ANGPTL5: variants seen among roughly 807,000 people sequenced by gnomAD.
ANGPTL5 encodes angiopoietin like 5.
ANGPTL5 carries 34 observed loss-of-function variants against 39.4 expected under a neutral mutation model. The observed-to-expected ratio is 0.86, with a 90% CI of 0.66 to 1.15. The LOEUF (loss-of-function observed/expected upper bound fraction) is 1.15. Ranked by LOEUF, ANGPTL5 falls within the 50% of genes most tolerant of loss-of-function variation. The probability of loss-of-function intolerance (pLI) is 0.00; values close to 1 mark genes in which losing one functional copy is unlikely to be tolerated. For missense variants in ANGPTL5, 467 were observed against 457.5 expected (o/e 1.02, Z -0.19); for synonymous variants, 146 against 152.1 (o/e 0.96, Z 0.29).
intron 7 of ANGPTL5, among the ~76,000 whole-genome samples, chr11:101,896,782 T>C (rs997818370): frequency 6.6e-6 from 1 of 152,258 alleles, no homozygotes; most frequent in Non-Finnish European, 1.5e-5. Context: ...TGGTGCCAAG[T>C]CTTTGCTGTT....
chr11:101,911,877 T>A (rs1199062913), intron 1 of ANGPTL5, among the ~76,000 whole-genome samples: 1 of 152,218 alleles, frequency 6.6e-6, no homozygotes, highest in Admixed American at 6.5e-5. Context: ...GTCCTCACAG[T>A]CTTCTGTACT....
intron 6 of ANGPTL5, among the ~76,000 whole-genome samples, chr11:101,901,862 C>CTAA (rs528398400): frequency 2.0e-4 from 30 of 151,866 alleles, no homozygotes; most frequent in African/African-American, 6.8e-4. Flanking sequence ...CCAATAAAGA[C>CTAA]TATCAATAAG....
chr11:101,901,021 T>C (rs1165734900), intron 6 of ANGPTL5, among the ~76,000 whole-genome samples: 1 of 147,920 alleles, frequency 6.8e-6, no homozygotes. Flanking sequence ...CCGGCTTTTT[T>C]TTTTTTTTTT....
chr11:101,893,270 T>C (rs927350341), intron 8 of ANGPTL5, among the ~76,000 whole-genome samples: 1 of 152,232 alleles, frequency 6.6e-6, no homozygotes, highest in Non-Finnish European at 1.5e-5. Context: ...GACATTTATC[T>C]CAAGTCTTAT....
At chr11:101,903,344 G>T (rs1364820999) in intron 5 of ANGPTL5, among the ~76,000 whole-genome samples, 1 of 152,094 alleles carries the variant, frequency 6.6e-6, no homozygotes, top group Non-Finnish European at 1.5e-5. Context: ...CCCCAGGATT[G>T]TAAACACGTG....
chr11:101,908,625 C>CA (rs768306134), intron 1 of ANGPTL5, among the ~76,000 whole-genome samples: 3 of 151,606 alleles, frequency 2.0e-5, no homozygotes, highest in Non-Finnish European at 4.4e-5. Flanking sequence ...CTAAAAAATA[C>CA]AAAAATTAGC....
intron 7 of ANGPTL5, 36 bp downstream of exon 7, chr11:101,900,394 G>A: frequency 1.3e-6 from 2 of 1,597,670 alleles, no homozygotes; most frequent in East Asian, 2.2e-5. Flanking sequence ...ATCAAAAAGA[G>A]TAAACAATGT....
chr11:101,908,899 T>C (rs1450715883), intron 1 of ANGPTL5, among the ~76,000 whole-genome samples: 3 of 151,924 alleles, frequency 2.0e-5, no homozygotes, highest in Non-Finnish European at 4.4e-5. Context: ...AGAGAAATAA[T>C]ATTATTGAAA....
At chr11:101,908,788 A>C (rs1439134216) in intron 1 of ANGPTL5, among the ~76,000 whole-genome samples, 1 of 151,916 alleles carries the variant, frequency 6.6e-6, no homozygotes, top group African/African-American at 2.4e-5. Flanking sequence ...CTCAAAAAAA[A>C]AAAAAAAAAA....
intron 4 of ANGPTL5, among the ~76,000 whole-genome samples, chr11:101,905,210 A>C (rs1346267223): frequency 6.6e-6 from 1 of 152,146 alleles, no homozygotes; most frequent in Non-Finnish European, 1.5e-5. Context: ...CTCTTCCTCA[A>C]GTCATTGGCC....
At chr11:101,915,333 A>G in intron 1 of ANGPTL5, 1 of 1,613,982 alleles carries the variant, frequency 6.2e-7, no homozygotes, top group Non-Finnish European at 8.5e-7. Flanking sequence ...GGAACTGGGC[A>G]CTGAATCATC....
At chr11:101,896,470 C>G (rs1312114820) in intron 7 of ANGPTL5, among the ~76,000 whole-genome samples, 5 of 152,058 alleles carry the variant, frequency 3.3e-5, no homozygotes, top group African/African-American at 9.7e-5. Flanking sequence ...AACTCGTTAT[C>G]TACATTAGGT....
In ANGPTL5 at chr11:101,891,050, A is replaced by G; in HGVS notation, c.*229T>C. ...ACAAGTTGTAGTTCACTTGAAACAA[A>G]TTTCATTGTATATTGTTAATATAGT... On this transcript the variant is annotated 3_prime_UTR_variant, in exon 9 of 9. Transcript: ENST00000334289. 1 of 346,618 alleles carries G rather than the reference A, an allele frequency of 2.9e-6. No individual in the cohort carries two copies. The highest frequency in any genetic ancestry group is 5.2e-6 in the Non-Finnish European group (1 of 193,806). 21.5% of individuals were successfully genotyped at this position (346,618 alleles called of 1,614,324 possible). A position where few individuals can be genotyped will look rare whatever the true frequency, so the allele number is the denominator to read the frequency against.
intron 7 of ANGPTL5, among the ~76,000 whole-genome samples, chr11:101,895,332 G>A (rs924930505): frequency 6.6e-6 from 1 of 152,048 alleles, no homozygotes; most frequent in Non-Finnish European, 1.5e-5. Context: ...GAGGAGAGAA[G>A]ATAATAATGA....
At chr11:101,905,003 C>T (rs1237365088) in intron 4 of ANGPTL5, 96 bp from the exon 5 acceptor site, 9 of 860,366 alleles carry the variant, frequency 1.0e-5, no homozygotes, top group South Asian at 7.2e-5. Context: ...CGTAATGGTG[C>T]CCATTTTTCT....
At chr11:101,893,558 C>T (rs569645975) in intron 8 of ANGPTL5, among the ~76,000 whole-genome samples, 53 of 152,218 alleles carry the variant, frequency 3.5e-4, no homozygotes, top group African/African-American at 9.6e-4. Flanking sequence ...AAATTTGAGA[C>T]TTTTGTAACG....
chr11:101,891,619 G>C lies in ANGPTL5; in HGVS notation c.848-21C>G, dbSNP rs550726546. 2.9e-5 allele frequency: 47 copies of C among 1,608,034 alleles called. 1 individual carries two copies. In the South Asian group the frequency reaches 4.9e-4, roughly 17 times the overall value. On this transcript the variant is annotated intron_variant, in intron 8 of 8. Transcript: ENST00000334289. ...ATCACCTGGGAAAAAAATTTTTAATGATCGAATTTAAAGGAAATTTCTATT... is the reference window on the plus strand; with the variant it reads ...ATCACCTGGGAAAAAAATTTTTAATCATCGAATTTAAAGGAAATTTCTATT...
At position 101,905,850 on chromosome 11, in the gene ANGPTL5, TAACCATAATAAAA is replaced by T; in HGVS notation, c.242-16_242-4del. On this transcript the variant is annotated splice_polypyrimidine_tract_variant and splice_region_variant and intron_variant, in intron 3 of 8. Transcript: ENST00000334289. ...AACAATAGAATTTTGCAAATTTCCT[TAACCATAATAAAA>T]AGTGGCTGTTAAATATTATATTGTT... 1 of 1,516,194 alleles carries T rather than the reference TAACCATAATAAAA, an allele frequency of 6.6e-7. No individual in the cohort carries two copies. Among genetic ancestry groups the T allele is most frequent in the Non-Finnish European group, 9.1e-7 (1 of 1,093,588 alleles). 93.9% of individuals were successfully genotyped at this position (1,516,194 alleles called of 1,614,324 possible). A position where few individuals can be genotyped will look rare whatever the true frequency, so the allele number is the denominator to read the frequency against.
intron 6 of ANGPTL5, 38 bp from the exon 7 acceptor site, chr11:101,900,588 T>G (rs903696521): frequency 6.3e-7 from 1 of 1,589,532 alleles, no homozygotes; most frequent in Non-Finnish European, 8.6e-7. Context: ...TAATACACTA[T>G]TATTTTCATT....
Sources: allele counts gnomAD v4.1 joint callset (sites outside exome capture counted in the v4.1 genomes callset), GRCh38; gene constraint gnomAD v4.1.1; transcripts MANE v1.5; gene names NCBI Gene and HGNC (gene_info 2026-07-23, HGNC 2026-07-21).